The following TECPR2 variants were observed in gnomAD, a reference collection of about 807,000 sequenced individuals.
The protein encoded by TECPR2 is tectonin beta-propeller repeat-containing protein 2.
TECPR2 carries 65 observed loss-of-function variants against 138.1 expected under a neutral mutation model. The observed-to-expected ratio is 0.47, with a 90% CI of 0.39 to 0.58. The LOEUF (loss-of-function observed/expected upper bound fraction) is 0.58, where lower values mean the gene tolerates loss of function less well. Among genes scored for constraint, TECPR2 ranks in the 20% least tolerant of loss-of-function variants. TECPR2 has a pLI of 0.00. For missense variants in TECPR2, 1,553 were observed against 1,824.5 expected (o/e 0.85, Z 2.71); for synonymous variants, 746 against 749.8 (o/e 0.99, Z 0.08).
At chr14:102,462,826 A>G (rs1004406272) in intron 16 of TECPR2, among the ~76,000 whole-genome samples, 1 of 152,242 alleles carries the variant, frequency 6.6e-6, no homozygotes, top group Admixed American at 6.5e-5. Context: ...AAAGACTAGT[A>G]CCTACAATGT....
chr14:102,454,691 T>A (rs1337720632), intron 16 of TECPR2, among the ~76,000 whole-genome samples: 1 of 152,194 alleles, frequency 6.6e-6, no homozygotes, highest in Non-Finnish European at 1.5e-5. Flanking sequence ...CCAGACTAAC[T>A]GGAAAATGCC....
At chr14:102,493,323 G>C (rs1008153809) in intron 17 of TECPR2, among the ~76,000 whole-genome samples, 1 of 152,108 alleles carries the variant, frequency 6.6e-6, no homozygotes, top group African/African-American at 2.4e-5. Flanking sequence ...TCTTCTCCAC[G>C]CGGCCTTCCG....
chr14:102,456,979 A>G (rs1285182671), intron 16 of TECPR2, among the ~76,000 whole-genome samples: 1 of 152,090 alleles, frequency 6.6e-6, no homozygotes, highest in Non-Finnish European at 1.5e-5. Flanking sequence ...TCACTATGCC[A>G]GGGTAGGGGC....
chr14:102,366,674 T>G (rs570962930), intron 1 of TECPR2, among the ~76,000 whole-genome samples: 2 of 152,342 alleles, frequency 1.3e-5, no homozygotes, highest in South Asian at 4.1e-4. Flanking sequence ...TTGAGACTAT[T>G]GTTTTGCAGT....
At chr14:102,375,582 A>T (rs189239761) in intron 1 of TECPR2, among the ~76,000 whole-genome samples, 2 of 152,354 alleles carry the variant, frequency 1.3e-5, no homozygotes, top group East Asian at 3.9e-4. Flanking sequence ...GAAGTTGGTC[A>T]GTCCACTATG....
chr14:102,406,503 G>T (rs966560380), intron 2 of TECPR2, among the ~76,000 whole-genome samples: 3 of 151,350 alleles, frequency 2.0e-5, no homozygotes, highest in Admixed American at 2.0e-4. Flanking sequence ...CCAAGGTGGC[G>T]CCACTGCACT....
chr14:102,410,738 G>A (rs964173890), intron 4 of TECPR2, among the ~76,000 whole-genome samples: 1 of 151,598 alleles, frequency 6.6e-6, no homozygotes, highest in Non-Finnish European at 1.5e-5. Flanking sequence ...ACTATCTTCT[G>A]TCTAGTCATA....
chr14:102,454,600 C>T (rs888112499), intron 16 of TECPR2, among the ~76,000 whole-genome samples: 1 of 152,210 alleles, frequency 6.6e-6, no homozygotes, highest in African/African-American at 2.4e-5. Context: ...TTGGTGCTGA[C>T]TGACCTGCCG....
chr14:102,384,653 G>C (rs1490189399), intron 2 of TECPR2, among the ~76,000 whole-genome samples: 1 of 147,486 alleles, frequency 6.8e-6, no homozygotes, highest in East Asian at 2.1e-4. Context: ...CTCCAGCCTG[G>C]GTGATGGAGC....
At chr14:102,417,327 T>G (rs1889052587) in intron 5 of TECPR2, among the ~76,000 whole-genome samples, 1 of 152,170 alleles carries the variant, frequency 6.6e-6, no homozygotes. Context: ...CACAACTGTT[T>G]AGTGAGCGGA....
At chr14:102,402,258 C>G (rs1888514186) in intron 2 of TECPR2, among the ~76,000 whole-genome samples, 1 of 151,986 alleles carries the variant, frequency 6.6e-6, no homozygotes, top group Non-Finnish European at 1.5e-5. Context: ...ATTGGAGAAT[C>G]CACAAATTTG....
At chr14:102,373,199 CTT>C (rs148353095) in intron 1 of TECPR2, among the ~76,000 whole-genome samples, 1 of 139,386 alleles carries the variant, frequency 7.2e-6, no homozygotes, top group Non-Finnish European at 1.6e-5. Context: ...TTTTTTTTTT[CTT>C]TCTTTTTGGT....
chr14:102,502,221 G>A lies in TECPR2; in HGVS notation c.*3964G>A. On this transcript the variant is annotated 3_prime_UTR_variant, in exon 20 of 20. Transcript: ENST00000359520. ...GTGGTTCTGTAAGAAATCAGAGGGA[G>A]AAAGGGAGAGAAGGGGGAGGGAGAC... 1 of 152,480 alleles carries A rather than the reference G, an allele frequency of 6.6e-6. No individual in the cohort carries two copies. Among genetic ancestry groups the A allele is most frequent in the Non-Finnish European group, 1.5e-5 (1 of 68,042 alleles). 9.4% of individuals were successfully genotyped at this position (152,480 alleles called of 1,614,324 possible). A position where few individuals can be genotyped will look rare whatever the true frequency, so the allele number is the denominator to read the frequency against.
chr14:102,462,333 T>G (rs1890428566), intron 16 of TECPR2, among the ~76,000 whole-genome samples: 1 of 152,238 alleles, frequency 6.6e-6, no homozygotes, highest in South Asian at 2.1e-4. Flanking sequence ...TATGTAATGT[T>G]AGAGTTCCAG....
At chr14:102,370,256 A>G (rs1887465959) in intron 1 of TECPR2, among the ~76,000 whole-genome samples, 1 of 151,992 alleles carries the variant, frequency 6.6e-6, no homozygotes, top group South Asian at 2.1e-4. Context: ...GTTTTAATAG[A>G]GATGAGGTTT....
intron 16 of TECPR2, among the ~76,000 whole-genome samples, chr14:102,459,847 G>A (rs1890362720): frequency 6.6e-6 from 1 of 152,208 alleles, no homozygotes; most frequent in Admixed American, 6.5e-5. Context: ...GTGTCTTCCT[G>A]GTTGTATGAG....
In TECPR2 at chr14:102,498,302, G is replaced by A. The variant is rs544219399; in HGVS notation, c.*45G>A. 326 of 1,562,846 alleles carry A rather than the reference G, an allele frequency of 2.1e-4. No individual in the cohort carries two copies. In the East Asian group the frequency reaches 2.9e-3, roughly 14 times the overall value. On this transcript the variant is annotated 3_prime_UTR_variant, in exon 20 of 20. Coordinates refer to ENST00000359520, the MANE Select transcript of TECPR2 (RefSeq NM_014844.5). ...CGCGGAGGGGCCCGGCGTCTGTGGC[G>A]GGCACAGGGGCTTCAGAGTGACTCC...
intron 16 of TECPR2, among the ~76,000 whole-genome samples, chr14:102,460,052 C>T (rs1391404144): frequency 6.6e-6 from 1 of 152,106 alleles, no homozygotes; most frequent in East Asian, 1.9e-4. Context: ...AGGAGGATCA[C>T]TTAAGGCCAG....
chr14:102,398,072 CAAAAAAAAAA>C (rs560266373), intron 2 of TECPR2, among the ~76,000 whole-genome samples: 1 of 45,804 alleles, frequency 2.2e-5, no homozygotes, highest in African/African-American at 8.2e-5. Flanking sequence ...GATTCTGTCT[CAAAAAAAAAA>C]AAAAAAAAAG....
Sources: gnomAD v4.1 joint callset for allele counts (sites outside exome capture counted in the v4.1 genomes callset) on GRCh38, gnomAD v4.1.1 for gene constraint, MANE v1.5 for transcripts, NCBI Gene and HGNC (gene_info 2026-07-23, HGNC 2026-07-21) for gene names.